The following OPHN1 variants were observed in gnomAD, a reference collection of about 807,000 sequenced individuals.
OPHN1 encodes oligophrenin-1.
Under a neutral mutation model 60.7 loss-of-function variants are expected in OPHN1, and 11 were observed. The observed-to-expected ratio is 0.18, with a 90% CI of 0.11 to 0.30. The LOEUF (loss-of-function observed/expected upper bound fraction) is 0.30. Ranked by LOEUF, OPHN1 falls within the 10% of genes least tolerant of loss-of-function variation. The probability of loss-of-function intolerance (pLI) is 1.00; values close to 1 mark genes in which losing one functional copy is unlikely to be tolerated. For synonymous variants in OPHN1, 226 were observed against 222.6 expected, an observed-to-expected ratio of 1.02 and a Z score of -0.14; for missense variants, 449 against 611.0, an observed-to-expected ratio of 0.73 and a Z score of 2.80.
At chrX:68,353,498 C>T (rs1003962422) in intron 2 of OPHN1, among the ~76,000 whole-genome samples, 46 of 108,335 alleles carry the variant, frequency 4.2e-4, no homozygotes, top group Middle Eastern at 4.7e-3. Context: ...CGCTTGAACC[C>T]GGGAGGAGGA....
intron 5 of OPHN1, among the ~76,000 whole-genome samples, chrX:68,273,525 A>G (rs1247705037): frequency 8.9e-6 from 1 of 112,287 alleles, no homozygotes; most frequent in African/African-American, 3.2e-5. Context: ...GTATTGTCCA[A>G]CGGAACTTTG....
intron 6 of OPHN1, among the ~76,000 whole-genome samples, chrX:68,223,411 G>A (rs1320968982): frequency 1.8e-5 from 2 of 112,272 alleles, no homozygotes; most frequent in Admixed American, 1.9e-4. Context: ...GTCTTTTACA[G>A]AAACTGGAAC....
chrX:68,286,875 C>T (rs188043360), intron 3 of OPHN1, among the ~76,000 whole-genome samples: 23 of 108,919 alleles, frequency 2.1e-4, no homozygotes, highest in Admixed American at 1.7e-3. Context: ...ATTAGCTGGG[C>T]ATGGTGGCAG....
At chrX:68,121,101 C>T in intron 15 of OPHN1, among the ~76,000 whole-genome samples, 1 of 112,299 alleles carries the variant, frequency 8.9e-6, no homozygotes, top group African/African-American at 3.2e-5. Context: ...TTGGATCAGA[C>T]TCTAAAGACA....
chrX:68,414,236 A>T (rs1378789561), intron 2 of OPHN1, among the ~76,000 whole-genome samples: 1 of 111,435 alleles, frequency 9.0e-6, no homozygotes, highest in Admixed American at 9.6e-5. Context: ...AATCTTTCTC[A>T]AATGGTTATT....
chrX:68,195,405 T>A (rs1442487759), intron 12 of OPHN1, among the ~76,000 whole-genome samples: 3 of 112,297 alleles, frequency 2.7e-5, no homozygotes, highest in Non-Finnish European at 5.6e-5. Flanking sequence ...GATAGCTATG[T>A]GAGAGACCAG....
At chrX:68,052,624 G>C (rs1383534730) in intron 22 of OPHN1, 34 bp from the exon 23 acceptor site, 1 of 1,178,078 alleles carries the variant, frequency 8.5e-7, no homozygotes, top group Non-Finnish European at 1.2e-6. Context: ...CCCATAAGTT[G>C]CTTTGGTATA....
Position 68,196,132 on chromosome X carries a change from A to G in OPHN1, c.1104+1054T>C, listed in dbSNP as rs749389120. On this transcript the variant is annotated intron_variant, in intron 12 of 24. Coordinates refer to ENST00000355520, the MANE Select transcript of OPHN1 (RefSeq NM_002547.3). ...CTCTCCTGCTACCTTCCAGTTTACT[A>G]TAAGTGCAATCTGGGATCTAGTTAC... Among the ~76,000 whole-genome samples the G allele has an allele frequency of 7.1e-5, 8 of 111,933 alleles. 1 individual carries two copies. Among genetic ancestry groups the G allele is most frequent in the African/African-American group, 9.7e-5 (3 of 30,936 alleles).
Position 68,046,612 on chromosome X carries a change from C to T in OPHN1, c.*560G>A, listed in dbSNP as rs1387214233. 8.9e-6 allele frequency: 1 copy of T among 112,075 alleles called. No individual in the cohort carries two copies. The highest frequency in any genetic ancestry group is 1.9e-5 in the Non-Finnish European group (1 of 53,247). 9.2% of individuals were successfully genotyped at this position (112,075 alleles called of 1,213,427 possible). A position where few individuals can be genotyped will look rare whatever the true frequency, so the allele number is the denominator to read the frequency against. ...GAGCAGACGGGCTCTTGGCAACATA[C>T]TGCAGCACCAGAGCGCTGACATGGC... is the stretch of plus-strand genomic sequence containing the variant. On this transcript the variant is annotated 3_prime_UTR_variant, in exon 25 of 25. Coordinates refer to ENST00000355520, the MANE Select transcript of OPHN1 (RefSeq NM_002547.3).
chrX:68,120,214 C>T (rs761079811), intron 15 of OPHN1, among the ~76,000 whole-genome samples: 2 of 111,321 alleles, frequency 1.8e-5, no homozygotes, highest in African/African-American at 3.3e-5. Context: ...TATGTAACCA[C>T]GGAAATATGA....
rs142174996 is a variant in OPHN1 at position 68,414,482 on chromosome X, T to C, written c.154+18385A>G. ...ATCCAAACACCAATTAAGTTATTAATTACTACAATTTAAGTTTGTTTATGG... is the reference window on the plus strand; with the variant it reads ...ATCCAAACACCAATTAAGTTATTAACTACTACAATTTAAGTTTGTTTATGG... On this transcript the variant is annotated intron_variant, in intron 2 of 24. Transcript: ENST00000355520. Among the ~76,000 whole-genome samples the C allele has an allele frequency of 8.9e-3, 996 of 112,323 alleles. 7 individuals are homozygous for C. Among genetic ancestry groups the C allele is most frequent in the African/African-American group, 0.031 (964 of 30,969 alleles).
At chrX:68,083,275 T>C (rs2147384584) in intron 19 of OPHN1, among the ~76,000 whole-genome samples, 1 of 106,217 alleles carries the variant, frequency 9.4e-6, no homozygotes, top group South Asian at 4.5e-4. Flanking sequence ...GGTTTCACCT[T>C]GTTAGCCAGG....
In OPHN1 at chrX:68,102,854, T is replaced by C. The variant is rs190877985; in HGVS notation, c.1527-5825A>G. 5.1e-4 allele frequency among the ~76,000 whole-genome samples: 57 copies of C among 111,453 alleles called. No individual in the cohort carries two copies. In the East Asian group the frequency reaches 0.014, roughly 27 times the overall value. On this transcript the variant is annotated intron_variant, in intron 18 of 24. Coordinates refer to ENST00000355520, the MANE Select transcript of OPHN1 (RefSeq NM_002547.3). ...GAAGTTGTATCCCTGAATAGACCAATAACAAGTTCTGAAATTGAGGCAGAA... is the reference window on the plus strand; with the variant it reads ...GAAGTTGTATCCCTGAATAGACCAACAACAAGTTCTGAAATTGAGGCAGAA...
chrX:68,340,897 C>T (rs1355184374), intron 2 of OPHN1, among the ~76,000 whole-genome samples: 2 of 107,343 alleles, frequency 1.9e-5, no homozygotes, highest in Non-Finnish European at 3.8e-5. Context: ...CCCAGCTACT[C>T]GGAGAGGCTG....
intron 3 of OPHN1, among the ~76,000 whole-genome samples, chrX:68,287,033 G>A (rs913965995): frequency 9.9e-6 from 1 of 101,514 alleles, no homozygotes; most frequent in Admixed American, 1.1e-4. Flanking sequence ...AAGGAAGGAA[G>A]GCAGGAAGGA....
chrX:68,432,621 T>C (rs1398408150), intron 2 of OPHN1, among the ~76,000 whole-genome samples: 1 of 111,240 alleles, frequency 9.0e-6, no homozygotes, highest in Non-Finnish European at 1.9e-5. Context: ...AGCAAGAGGG[T>C]CCCTGGCACA....
chrX:68,368,735 G>A (rs1053368665), intron 2 of OPHN1, among the ~76,000 whole-genome samples: 2 of 111,612 alleles, frequency 1.8e-5, no homozygotes, highest in African/African-American at 6.5e-5. Flanking sequence ...AGTAGAGGTG[G>A]TTTTTGTTTG....
chrX:68,146,925 C>T (rs2077266447), intron 15 of OPHN1, among the ~76,000 whole-genome samples: 1 of 112,081 alleles, frequency 8.9e-6, no homozygotes, highest in Admixed American at 9.5e-5. Context: ...CATATATGTA[C>T]ATATGGCAAC....
At chrX:68,243,270 G>A (rs1010768380) in intron 5 of OPHN1, among the ~76,000 whole-genome samples, 1 of 111,212 alleles carries the variant, frequency 9.0e-6, no homozygotes, top group Admixed American at 9.6e-5. Flanking sequence ...TGCTTGGGGT[G>A]ATAAAAGGGT....
Sources: allele counts gnomAD v4.1 joint callset (sites outside exome capture counted in the v4.1 genomes callset), GRCh38; gene constraint gnomAD v4.1.1; transcripts MANE v1.5; gene names NCBI Gene and HGNC (gene_info 2026-07-23, HGNC 2026-07-21).